The following CUX2 variants were observed in gnomAD, a reference collection of about 807,000 sequenced individuals.
The protein encoded by CUX2 is cut like homeobox 2, also known as homeobox protein cut-like 2.
In CUX2, 40 loss-of-function variants were observed where a neutral mutation model predicts 144.8. That is an observed-to-expected ratio of 0.28 (90% CI 0.21 to 0.36). The LOEUF (loss-of-function observed/expected upper bound fraction) is 0.36. Among genes scored for constraint, CUX2 ranks in the 10% least tolerant of loss-of-function variants. The pLI, the probability that CUX2 is intolerant of heterozygous loss-of-function variation, is 1.00. For synonymous variants in CUX2, 827 were observed against 875.6 expected (o/e 0.94, Z 0.98); for missense variants, 1,615 against 1,994.0 (o/e 0.81, Z 3.62).
intron 9 of CUX2, among the ~76,000 whole-genome samples, chr12:111,299,549 TC>T (rs1886181750): frequency 6.6e-6 from 1 of 152,062 alleles, no homozygotes; most frequent in Admixed American, 6.5e-5. Context: ...AGAAGCAGTG[TC>T]CCCTAGGAGG....
At chr12:111,086,150 G>A (rs1872201669) in intron 1 of CUX2, among the ~76,000 whole-genome samples, 1 of 152,182 alleles carries the variant, frequency 6.6e-6, no homozygotes, top group Non-Finnish European at 1.5e-5. Context: ...CTACCAACCT[G>A]TCAGTGAGAA....
chr12:111,230,216 G>A (rs370004564), intron 3 of CUX2, among the ~76,000 whole-genome samples: 7 of 144,004 alleles, frequency 4.9e-5, no homozygotes, highest in African/African-American at 1.3e-4. Context: ...GGGGAGGAAC[G>A]GGGAGGGGAG....
chr12:111,311,954 C>G, intron 15 of CUX2, 146 bp from the exon 16 acceptor site: 4 of 575,100 alleles, frequency 7.0e-6, no homozygotes, highest in Non-Finnish European at 1.2e-5. Flanking sequence ...CAGTTTGTTA[C>G]ATAGACTAAG....
chr12:111,320,512 G>A lies in CUX2; in HGVS notation c.2503G>A (p.Glu835Lys). The A allele has an allele frequency of 6.3e-7, 1 of 1,576,246 alleles. No homozygotes were observed. ...PRGDEAPVPP[E>K]DEAAAGAEDE... is the part of the protein sequence containing the mutation. ...CGGGGACGAGGCCCCTGTGCCCCCC[G>A]AGGACGAGGCGGCGGCAGGGGCGGA... is the stretch of plus-strand genomic sequence containing the variant. The change falls in exon 17 of 22, where the codon GAG becomes AAG. Residue 835 changes from glutamate (E) to lysine (K), a missense_variant. Physicochemically the swap from Glu to Lys is moderately conservative, Grantham distance 56. Around this residue, in one of 12 missense-constraint regions of CUX2, gnomAD observed 390 missense variants for 387.1 expected, o/e 1.01. Coordinates refer to ENST00000261726, the MANE Select transcript of CUX2 (RefSeq NM_015267.4). This position sits in a 1 kb window ranked among gnomAD's most constrained non-coding sequence, Gnocchi z 8.1.
At chr12:111,123,952 C>G (rs1051664507) in intron 1 of CUX2, among the ~76,000 whole-genome samples, 2 of 152,132 alleles carry the variant, frequency 1.3e-5, no homozygotes, top group Admixed American at 1.3e-4. Context: ...GGATTTGAAC[C>G]CAGGTCTTCT....
At position 111,214,186 on chromosome 12, in the gene CUX2, T is replaced by TTA; in HGVS notation, c.64-13_64-12insAT. 6.9e-7 allele frequency: 1 copy of TTA among 1,440,536 alleles called. No individual in the cohort carries two copies. The highest frequency in any genetic ancestry group is 9.4e-7 in the Non-Finnish European group (1 of 1,067,632). The allele number at this position is 1,440,536 out of a possible 1,614,324, so 89.2% of individuals were successfully genotyped here. ...TTCTCTCTCTCTCTTTTTTTTTTTT[T>TTA]TTTATTGTTCCAGAAGGAGCTTAAT... is the stretch of plus-strand genomic sequence containing the variant. On this transcript the variant is annotated splice_polypyrimidine_tract_variant and intron_variant, in intron 1 of 21. Transcript: ENST00000261726.
At chr12:111,125,943 A>G (rs1353679332) in intron 1 of CUX2, among the ~76,000 whole-genome samples, 1 of 152,174 alleles carries the variant, frequency 6.6e-6, no homozygotes, top group Non-Finnish European at 1.5e-5. Flanking sequence ...ACACATCTGC[A>G]AAGGCCAAAT....
chr12:111,093,561 T>G (rs1236708583), intron 1 of CUX2, among the ~76,000 whole-genome samples: 2 of 151,498 alleles, frequency 1.3e-5, no homozygotes, highest in Admixed American at 6.6e-5. Context: ...GTCACTGAAC[T>G]CAGCTGGAAC....
Position 111,320,476 on chromosome 12 carries a change from G to T in CUX2, c.2467G>T (p.Ala823Ser), listed in dbSNP as rs760819966. 3 of 1,590,268 alleles carry T rather than the reference G, an allele frequency of 1.9e-6. No homozygotes were observed. In the Admixed American group the frequency reaches 5.0e-5, roughly 27 times the overall value. ...CTACTCTGGCCAGCCCAACGGCCGC[G>T]CCTGGCCCCGCGGGGACGAGGCCCC... ...SGYSGQPNGR[A>S]WPRGDEAPVP... The change falls in exon 17 of 22, where the codon GCC (alanine) becomes TCC (serine). Residue 823 changes from alanine (A) to serine (S), a missense_variant. Ala to Ser is a moderately conservative substitution (Grantham distance 99). Around this residue, in one of 12 missense-constraint regions of CUX2, gnomAD observed 390 missense variants for 387.1 expected, o/e 1.01. Transcript: ENST00000261726. The surrounding 1 kb of genome is among the most constrained non-coding windows in gnomAD (Gnocchi z 8.1).
Position 111,239,038 on chromosome 12 carries a change from C to T in CUX2, c.222+21101C>T, listed in dbSNP as rs544305989. Among the ~76,000 whole-genome samples, 5 of 152,220 alleles carry T rather than the reference C, an allele frequency of 3.3e-5. No individual in the cohort carries two copies. The East Asian group carries it at 5.8e-4, about 18-fold the overall frequency. ...CCAGTGTGAGTGACAGAGCAAGATTCCGTCTCTAAATAGATAAATAAATAA... is the reference window on the plus strand; with the variant it reads ...CCAGTGTGAGTGACAGAGCAAGATTTCGTCTCTAAATAGATAAATAAATAA... On this transcript the variant is annotated intron_variant, in intron 3 of 21. Coordinates refer to ENST00000261726, the MANE Select transcript of CUX2 (RefSeq NM_015267.4).
chr12:111,258,239 G>A lies in CUX2; in HGVS notation c.223-5522G>A, dbSNP rs186651037. Among the ~76,000 whole-genome samples, 324 of 152,304 alleles carry A rather than the reference G, an allele frequency of 2.1e-3. 3 individuals carry two copies. The highest frequency in any genetic ancestry group is 5.0e-3 in the South Asian group (24 of 4,822). On this transcript the variant is annotated intron_variant, in intron 3 of 21. Transcript: ENST00000261726. ...TGATGCCATCAGGAATTTAAGGACC[G>A]CGGTGGCTCACGCGTGTAATCCCAG...
At chr12:111,121,378 T>G (rs867634291) in intron 1 of CUX2, among the ~76,000 whole-genome samples, 9 of 127,920 alleles carry the variant, frequency 7.0e-5, no homozygotes, top group Non-Finnish European at 1.3e-4. Flanking sequence ...TCTTTTTTTT[T>G]TTTTTTTTTT....
chr12:111,203,612 G>A (rs918507950), intron 1 of CUX2, among the ~76,000 whole-genome samples: 12 of 152,056 alleles, frequency 7.9e-5, no homozygotes, highest in South Asian at 2.1e-4. Flanking sequence ...AGAGTGGGCC[G>A]GAGGGTGTAG....
intron 9 of CUX2, 122 bp downstream of exon 9, chr12:111,298,711 G>A (rs925186848): frequency 1.8e-6 from 2 of 1,087,490 alleles, no homozygotes; most frequent in Non-Finnish European, 2.7e-6. Context: ...TGTGGGTCTT[G>A]TGCATGCCAA....
At chr12:111,101,873 C>A (rs528002863) in intron 1 of CUX2, among the ~76,000 whole-genome samples, 8 of 152,252 alleles carry the variant, frequency 5.3e-5, no homozygotes, top group Admixed American at 2.6e-4. Flanking sequence ...GCCTCAGTTT[C>A]CTTACCTGCA....
chr12:111,140,705 G>A (rs773405462), intron 1 of CUX2, among the ~76,000 whole-genome samples: 3 of 152,202 alleles, frequency 2.0e-5, no homozygotes, highest in Admixed American at 6.5e-5. Context: ...GGGGGAATGC[G>A]CAGCCCTTGT....
chr12:111,263,764 G>C lies in CUX2; in HGVS notation c.226G>C (p.Val76Leu). 1.2e-6 allele frequency: 2 copies of C among 1,613,768 alleles called. No homozygotes were observed. The highest frequency in any genetic ancestry group is 1.7e-6 in the Non-Finnish European group (2 of 1,179,640). ...PVLKSFQAEV[V>L]ALSKRSQEAE... is the part of the protein sequence containing the mutation. ...CTTTCTCTTGTTGTCTCCAAAGGTG[G>C]TGGCCCTTAGTAAGAGAAGTCAGGA... The change falls in exon 4 of 22, where the codon GTG becomes CTG. Residue 76 changes from valine (V) to leucine (L), a missense_variant. Val to Leu is a conservative substitution (Grantham distance 32, BLOSUM62 1). Coordinates refer to ENST00000261726, the MANE Select transcript of CUX2 (RefSeq NM_015267.4). The surrounding 1 kb of genome is among the most constrained non-coding windows in gnomAD (Gnocchi z 4.0).
intron 2 of CUX2, among the ~76,000 whole-genome samples, chr12:111,216,801 A>G (rs979520903): frequency 6.6e-6 from 1 of 152,224 alleles, no homozygotes; most frequent in Admixed American, 6.5e-5. Context: ...TCAGTGGCTC[A>G]GGAAAGCCCT....
chr12:111,194,381 G>A (rs746726806), intron 1 of CUX2, among the ~76,000 whole-genome samples: 1 of 152,190 alleles, frequency 6.6e-6, no homozygotes, highest in Non-Finnish European at 1.5e-5. Context: ...TGGCAGGCCG[G>A]GGTCCAACTC....
Sources: allele counts gnomAD v4.1 joint callset (sites outside exome capture counted in the v4.1 genomes callset), GRCh38; gene constraint gnomAD v4.1.1; regional missense constraint gnomAD v4.1.1; non-coding constraint Gnocchi (gnomAD v3.1); transcripts MANE v1.5; gene names NCBI Gene and HGNC (gene_info 2026-07-23, HGNC 2026-07-21).